The following TMEM178B variants were observed in gnomAD, a reference collection of about 807,000 sequenced individuals.
TMEM178B encodes the protein transmembrane protein 178B.
A neutral mutation model predicts 31.0 loss-of-function variants in TMEM178B; 5 were observed. The ratio of observed to expected loss-of-function variants is 0.16; its 90% CI spans 0.08 to 0.34. The LOEUF is 0.34. TMEM178B is among the 10% of genes least tolerant of loss of function. The pLI, the probability that TMEM178B is intolerant of heterozygous loss-of-function variation, is 1.00. For synonymous variants in TMEM178B, 164 were observed against 164.0 expected (o/e 1.00, Z 0.00); for missense variants, 275 against 400.3 (o/e 0.69, Z 2.67).
In TMEM178B at chr7:141,362,504, C is replaced by CT. The variant is rs142863722; in HGVS notation, c.497-75094dup. Among the ~76,000 whole-genome samples, 1,018 of 149,866 alleles carry CT rather than the reference C, an allele frequency of 6.8e-3. 12 individuals carry two copies. The highest frequency in any genetic ancestry group is 0.022 in the African/African-American group (911 of 40,812). On this transcript the variant is annotated intron_variant, in intron 2 of 3. Transcript: ENST00000565468. ...TAAGCAAGAAAGCATAACACATGCA[C>CT]TTTTTTTTTTAAAAAAAAGACCTAT...
At chr7:141,097,793 CTT>C (rs552569756) in intron 1 of TMEM178B, among the ~76,000 whole-genome samples, 12 of 125,896 alleles carry the variant, frequency 9.5e-5, no homozygotes, top group Non-Finnish European at 1.3e-4. Context: ...TTCTTTCTTT[CTT>C]TTTTTTTTTT....
chr7:141,212,658 T>C lies in TMEM178B; in HGVS notation c.450T>C (p.Thr150=). Residue 150 remains threonine, a synonymous_variant, in exon 2 of 4, where the codon ACT becomes ACC. Coordinates refer to ENST00000565468, the MANE Select transcript of TMEM178B (RefSeq NM_001195278.2). ...YSSATIPRNL[T]FNITKTIRQD... ...CAGCAACCATCCCCAGGAACCTCAC[T>C]TTCAATATCACGAAGACCATCCGTC... is the stretch of plus-strand genomic sequence containing the variant. 6.5e-7 allele frequency: 1 copy of C among 1,536,144 alleles called. No individual in the cohort carries two copies. Among genetic ancestry groups the C allele is most frequent in the Non-Finnish European group, 8.7e-7 (1 of 1,146,906 alleles).
intron 2 of TMEM178B, among the ~76,000 whole-genome samples, chr7:141,433,176 C>A (rs1037735137): frequency 1.3e-5 from 2 of 152,234 alleles, no homozygotes; most frequent in African/African-American, 4.8e-5. Flanking sequence ...CCCCCTCGTA[C>A]CCTGATCCCA....
At chr7:141,319,315 T>C (rs2366082) in intron 2 of TMEM178B, among the ~76,000 whole-genome samples, 47,766 of 152,116 alleles carry the variant, frequency 0.31, 9,317 homozygotes, top group African/African-American at 0.54. Flanking sequence ...GACTCAGGTG[T>C]TCCCTCCTGC....
chr7:141,157,212 T>G (rs1333654643), intron 1 of TMEM178B, among the ~76,000 whole-genome samples: 1 of 152,030 alleles, frequency 6.6e-6, no homozygotes, highest in Admixed American at 6.5e-5. Context: ...ATGCTCTGCC[T>G]CTCTTGGTGC....
At chr7:141,358,504 A>G (rs1279681282) in intron 2 of TMEM178B, among the ~76,000 whole-genome samples, 2 of 152,160 alleles carry the variant, frequency 1.3e-5, no homozygotes, top group African/African-American at 4.8e-5. Flanking sequence ...TTCTCTACCC[A>G]GAGACAGGGA....
intron 1 of TMEM178B, among the ~76,000 whole-genome samples, chr7:141,127,008 G>A (rs570270845): frequency 6.6e-6 from 1 of 152,222 alleles, no homozygotes; most frequent in African/African-American, 2.4e-5. Flanking sequence ...TCAGCTGTGT[G>A]ACCCTGTGTA....
chr7:141,385,341 G>T (rs1198349271), intron 2 of TMEM178B, among the ~76,000 whole-genome samples: 1 of 152,152 alleles, frequency 6.6e-6, no homozygotes, highest in African/African-American at 2.4e-5. Flanking sequence ...ATATGGCCCT[G>T]CCATAAGATG....
rs530549815 is a variant in TMEM178B at position 141,257,347 on chromosome 7, C to G, written c.496+44643C>G. 2.6e-5 allele frequency among the ~76,000 whole-genome samples: 4 copies of G among 152,326 alleles called. No homozygotes were observed. In the South Asian group the frequency reaches 8.3e-4, roughly 32 times the overall value. On this transcript the variant is annotated intron_variant, in intron 2 of 3. Coordinates refer to ENST00000565468, the MANE Select transcript of TMEM178B (RefSeq NM_001195278.2). Reference sequence around the variant, plus strand: ...GTTCTAACTTCAGGTTCAGTCCAAGCTGTCCTCCTAATAGCTCTTGCTGTT... The same window carrying G: ...GTTCTAACTTCAGGTTCAGTCCAAGGTGTCCTCCTAATAGCTCTTGCTGTT...
intron 1 of TMEM178B, among the ~76,000 whole-genome samples, chr7:141,138,353 G>A (rs1355077533): frequency 1.3e-5 from 2 of 152,038 alleles, no homozygotes; most frequent in Non-Finnish European, 2.9e-5. Context: ...GAGCCACTGC[G>A]CCCGGCCTAA....
intron 1 of TMEM178B, among the ~76,000 whole-genome samples, chr7:141,160,440 C>T (rs1472088508): frequency 1.3e-5 from 2 of 152,170 alleles, no homozygotes; most frequent in East Asian, 3.9e-4. Flanking sequence ...TTTGGCAGGT[C>T]ACTGCCTCCT....
intron 3 of TMEM178B, among the ~76,000 whole-genome samples, chr7:141,465,172 G>A (rs1802128581): frequency 6.6e-6 from 1 of 152,190 alleles, no homozygotes. Context: ...TTCCCATAGA[G>A]GGGATGCATA....
At chr7:141,189,406 G>T (rs535690712) in intron 1 of TMEM178B, among the ~76,000 whole-genome samples, 228 of 152,344 alleles carry the variant, frequency 1.5e-3, no homozygotes, top group African/African-American at 5.1e-3. Context: ...CGGGCAGATA[G>T]CAGATGGGCA....
At chr7:141,097,250 T>A (rs1423570210) in intron 1 of TMEM178B, among the ~76,000 whole-genome samples, 1 of 150,944 alleles carries the variant, frequency 6.6e-6, no homozygotes, top group Non-Finnish European at 1.5e-5. Flanking sequence ...GCGCCTGTAG[T>A]CCCAGCTACT....
intron 2 of TMEM178B, among the ~76,000 whole-genome samples, chr7:141,393,427 G>A (rs1800580786): frequency 1.3e-5 from 2 of 152,166 alleles, no homozygotes; most frequent in African/African-American, 4.8e-5. Context: ...TGTAGCAGTT[G>A]TTCAAATTAG....
chr7:141,468,883 T>C (rs569480481), intron 3 of TMEM178B, among the ~76,000 whole-genome samples: 7 of 152,262 alleles, frequency 4.6e-5, no homozygotes, highest in African/African-American at 1.7e-4. Context: ...GTCTGATACA[T>C]AGGGCTCAAA....
chr7:141,443,310 C>G (rs541134609), intron 3 of TMEM178B, among the ~76,000 whole-genome samples: 2 of 152,250 alleles, frequency 1.3e-5, no homozygotes, highest in South Asian at 4.2e-4. Flanking sequence ...CAGCTGACTC[C>G]GATTCCCTCA....
chr7:141,133,347 C>T (rs1268145622), intron 1 of TMEM178B, among the ~76,000 whole-genome samples: 3 of 151,680 alleles, frequency 2.0e-5, no homozygotes, highest in Non-Finnish European at 2.9e-5. Flanking sequence ...ATGGGGAAAA[C>T]AATTCATGAT....
chr7:141,367,080 C>T (rs1168943215), intron 2 of TMEM178B, among the ~76,000 whole-genome samples: 1 of 53,924 alleles, frequency 1.9e-5, no homozygotes, highest in Non-Finnish European at 3.4e-5. Flanking sequence ...AGCCACATGA[C>T]AGCAGGGGGG....
Sources: allele counts gnomAD v4.1 joint callset (sites outside exome capture counted in the v4.1 genomes callset), GRCh38; gene constraint gnomAD v4.1.1; transcripts MANE v1.5; gene names NCBI Gene and HGNC (gene_info 2026-07-23, HGNC 2026-07-21).